The following PRKAG2 variants were observed in gnomAD, a reference collection of about 807,000 sequenced individuals.
The protein encoded by PRKAG2 is protein kinase AMP-activated non-catalytic subunit gamma 2.
Under a neutral mutation model 69.6 loss-of-function variants are expected in PRKAG2, and 26 were observed. The ratio of observed to expected loss-of-function variants is 0.37; its 90% CI spans 0.27 to 0.52. The LOEUF (loss-of-function observed/expected upper bound fraction) is 0.52, where lower values mean the gene tolerates loss of function less well. Among genes scored for constraint, PRKAG2 ranks in the 20% least tolerant of loss-of-function variants. The pLI, the probability that PRKAG2 is intolerant of heterozygous loss-of-function variation, is 0.90. For synonymous variants in PRKAG2, 293 were observed against 285.0 expected, an observed-to-expected ratio of 1.03 and a Z score of -0.28; for missense variants, 557 against 740.0, an observed-to-expected ratio of 0.75 and a Z score of 2.87.
intron 1 of PRKAG2, among the ~76,000 whole-genome samples, chr7:151,838,307 G>A (rs933836883): frequency 3.3e-5 from 5 of 151,924 alleles, no homozygotes; most frequent in Non-Finnish European, 7.4e-5. Flanking sequence ...GGACACCCTC[G>A]ACCCTGCCAG....
intron 3 of PRKAG2, among the ~76,000 whole-genome samples, chr7:151,721,291 C>T (rs1797053866): frequency 6.6e-6 from 1 of 152,178 alleles, no homozygotes; most frequent in African/African-American, 2.4e-5. Context: ...CCCCTTCCTG[C>T]TTCCTCTGCC....
Position 151,556,507 on chromosome 7 carries a change from A to AAATTTG in PRKAG2, c.*688_*693dup, listed in dbSNP as rs1803821756. 6.5e-6 allele frequency: 1 copy of AAATTTG among 152,684 alleles called. No individual in the cohort carries two copies. The highest frequency in any genetic ancestry group is 6.5e-5 in the Admixed American group (1 of 15,288). 9.5% of individuals were successfully genotyped at this position (152,684 alleles called of 1,614,324 possible). On this transcript the variant is annotated 3_prime_UTR_variant, in exon 16 of 16. Coordinates refer to ENST00000287878, the MANE Select transcript of PRKAG2 (RefSeq NM_016203.4). ...TCCAGATCCAAACTTAAATAATGAG[A>AAATTTG]AATTTGCCATTTCAAAATAACTGAG...
At position 151,556,883 on chromosome 7, in the gene PRKAG2, C is replaced by T. The variant is rs1803882241; in HGVS notation, c.*318G>A. 1 of 404,728 alleles carries T rather than the reference C, an allele frequency of 2.5e-6. No individual in the cohort carries two copies. Among genetic ancestry groups the T allele is most frequent in the Non-Finnish European group, 4.6e-6 (1 of 215,058 alleles). The allele number at this position is 404,728 out of a possible 1,614,324, so 25.1% of individuals were successfully genotyped here. A position where few individuals can be genotyped will look rare whatever the true frequency, so the allele number is the denominator to read the frequency against. On this transcript the variant is annotated 3_prime_UTR_variant, in exon 16 of 16. Coordinates refer to ENST00000287878, the MANE Select transcript of PRKAG2 (RefSeq NM_016203.4). ...GAACATACCGTGCACTCACCTTATGCCACATCACCTGTTCCATACCAGTGA... is the reference window on the plus strand; with the variant it reads ...GAACATACCGTGCACTCACCTTATGTCACATCACCTGTTCCATACCAGTGA...
At position 151,719,234 on chromosome 7, in the gene PRKAG2, G is replaced by A. The variant is rs73484147; in HGVS notation, c.467-43597C>T. 0.023 allele frequency among the ~76,000 whole-genome samples: 3,567 copies of A among 152,188 alleles called. 141 individuals carry two copies. Among genetic ancestry groups the A allele is most frequent in the African/African-American group, 0.082 (3,400 of 41,516 alleles). On this transcript the variant is annotated intron_variant, in intron 3 of 15. Transcript: ENST00000287878. The surrounding 1 kb of genome is among the most constrained non-coding windows in gnomAD (Gnocchi z 5.2). ...GGGAGAGAGGTCCTGCCCCACTCCCGGTCTCTGCAACATGCTTCCCGGCCC... is the reference window on the plus strand; with the variant it reads ...GGGAGAGAGGTCCTGCCCCACTCCCAGTCTCTGCAACATGCTTCCCGGCCC...
At chr7:151,826,337 C>T (rs567177331) in intron 1 of PRKAG2, among the ~76,000 whole-genome samples, 11 of 152,222 alleles carry the variant, frequency 7.2e-5, no homozygotes, top group South Asian at 2.1e-4. Flanking sequence ...CCGACCACCA[C>T]GCCTGGCTAA....
intron 6 of PRKAG2, among the ~76,000 whole-genome samples, chr7:151,584,211 G>T (rs1489730520): frequency 6.6e-6 from 1 of 152,124 alleles, no homozygotes; most frequent in Non-Finnish European, 1.5e-5. Context: ...CCATTGCCAT[G>T]GAAGGACTGT....
intron 5 of PRKAG2, among the ~76,000 whole-genome samples, chr7:151,631,131 C>A (rs559209515): frequency 6.6e-6 from 1 of 152,302 alleles, no homozygotes; most frequent in Admixed American, 6.5e-5. Flanking sequence ...CCACATGGCA[C>A]GTTCTTTGTT....
chr7:151,711,827 T>G (rs1041922420), intron 3 of PRKAG2, among the ~76,000 whole-genome samples: 3 of 152,248 alleles, frequency 2.0e-5, no homozygotes, highest in African/African-American at 7.2e-5. Flanking sequence ...TCAACTCAGA[T>G]GCAAGTTCTA....
intron 1 of PRKAG2, among the ~76,000 whole-genome samples, chr7:151,793,742 C>T (rs990290259): frequency 2.0e-5 from 3 of 152,232 alleles, no homozygotes; most frequent in Admixed American, 6.5e-5. Context: ...CTTGCGCAAT[C>T]CCCAAAACCA....
chr7:151,631,439 A>G (rs1824379720), intron 5 of PRKAG2, among the ~76,000 whole-genome samples: 1 of 152,168 alleles, frequency 6.6e-6, no homozygotes, highest in South Asian at 2.1e-4. Context: ...TTCAAATGTT[A>G]ACAGCCTCCA....
chr7:151,668,292 C>G (rs192648793), intron 4 of PRKAG2, among the ~76,000 whole-genome samples: 58 of 152,338 alleles, frequency 3.8e-4, no homozygotes, highest in African/African-American at 1.1e-3. Context: ...GATGCAGCTG[C>G]TCCATCTTGA....
chr7:151,765,450 T>G (rs1382527916), intron 3 of PRKAG2, among the ~76,000 whole-genome samples: 2 of 152,110 alleles, frequency 1.3e-5, no homozygotes, highest in Non-Finnish European at 2.9e-5. Flanking sequence ...AACAGGAGAT[T>G]CGGGTGGTAA....
intron 3 of PRKAG2, among the ~76,000 whole-genome samples, chr7:151,711,034 G>T (rs1795217920): frequency 6.6e-6 from 1 of 152,178 alleles, no homozygotes; most frequent in Admixed American, 6.5e-5. Flanking sequence ...AGTACTAAGA[G>T]TGCTAGGCTT....
chr7:151,786,789 G>A (rs971935378), intron 1 of PRKAG2, among the ~76,000 whole-genome samples: 1 of 152,240 alleles, frequency 6.6e-6, no homozygotes, highest in African/African-American at 2.4e-5. Context: ...CAGGGAAGGA[G>A]GAAAGAAGAA....
intron 2 of PRKAG2, among the ~76,000 whole-genome samples, chr7:151,786,025 G>A (rs952949089): frequency 6.6e-6 from 1 of 152,248 alleles, no homozygotes; most frequent in Admixed American, 6.5e-5. Context: ...TGGAGAGGGT[G>A]CAACACGAGG....
At position 151,781,839 on chromosome 7, in the gene PRKAG2, A is replaced by G. The variant is rs2076687103; in HGVS notation, c.187-408T>C. Among the ~76,000 whole-genome samples, 1 of 152,174 alleles carries G rather than the reference A, an allele frequency of 6.6e-6. No homozygotes were observed. Among genetic ancestry groups the G allele is most frequent in the Non-Finnish European group, 1.5e-5 (1 of 68,026 alleles). The stretch of plus-strand genomic sequence containing the variant: ...AGGACTGCAGTCCTCTTGCCTGCCT[A>G]TAAGATCCCTATGTTCCAGAACAGA... On this transcript the variant is annotated intron_variant, in intron 2 of 15. Coordinates refer to ENST00000287878, the MANE Select transcript of PRKAG2 (RefSeq NM_016203.4). This position sits in a 1 kb window ranked among gnomAD's most constrained non-coding sequence, Gnocchi z 6.1.
intron 4 of PRKAG2, among the ~76,000 whole-genome samples, chr7:151,651,553 G>T (rs1405285492): frequency 6.6e-6 from 1 of 152,194 alleles, no homozygotes; most frequent in Non-Finnish European, 1.5e-5. Context: ...GTTGCAGTGA[G>T]CTGAGATTGC....
chr7:151,715,017 AT>A (rs111586277), intron 3 of PRKAG2, among the ~76,000 whole-genome samples: 30,961 of 142,400 alleles, frequency 0.22, 3,747 homozygotes, highest in Non-Finnish European at 0.28. Context: ...ATTAAAAGCA[AT>A]TTTTTTTTTT....
intron 9 of PRKAG2, among the ~76,000 whole-genome samples, chr7:151,570,530 G>A (rs527939656): frequency 6.6e-6 from 1 of 152,234 alleles, no homozygotes; most frequent in South Asian, 2.1e-4. Flanking sequence ...ACCAGCAGAG[G>A]TCACTAGAAT....
Sources: gnomAD v4.1 joint callset for allele counts (sites outside exome capture counted in the v4.1 genomes callset) on GRCh38, gnomAD v4.1.1 for gene constraint, Gnocchi (gnomAD v3.1) non-coding constraint, MANE v1.5 for transcripts, NCBI Gene and HGNC (gene_info 2026-07-23, HGNC 2026-07-21) for gene names.